The following HS6ST3 variants were observed in gnomAD, a reference collection of about 807,000 sequenced individuals.
The protein encoded by HS6ST3 is heparan-sulfate 6-O-sulfotransferase 3.
Under a neutral mutation model 36.7 loss-of-function variants are expected in HS6ST3, and 12 were observed. The ratio of observed to expected loss-of-function variants is 0.33; its 90% confidence interval spans 0.21 to 0.53. The LOEUF (loss-of-function observed/expected upper bound fraction) is 0.53. Ranked by LOEUF, HS6ST3 falls within the 20% of genes least tolerant of loss-of-function variation. HS6ST3 has a pLI of 0.95. For missense variants in HS6ST3, 584 were observed against 640.9 expected (o/e 0.91, Z 0.96); for synonymous variants, 240 against 257.5 (o/e 0.93, Z 0.65).
intron 1 of HS6ST3, among the ~76,000 whole-genome samples, chr13:96,707,589 G>T (rs1875460004): frequency 6.6e-6 from 1 of 152,172 alleles, no homozygotes. Context: ...CTGACTCCAA[G>T]AACCTACATG....
At chr13:96,485,696 T>C (rs984201046) in intron 1 of HS6ST3, among the ~76,000 whole-genome samples, 1 of 152,046 alleles carries the variant, frequency 6.6e-6, no homozygotes, top group African/African-American at 2.4e-5. Flanking sequence ...TTAACTATGA[T>C]GTTTGTGATA....
chr13:96,680,067 C>A (rs1177518965), intron 1 of HS6ST3, among the ~76,000 whole-genome samples: 2 of 152,136 alleles, frequency 1.3e-5, no homozygotes, highest in Non-Finnish European at 2.9e-5. Context: ...TCCCATCCAT[C>A]CAAGACAGGT....
rs557577106 is a variant in HS6ST3, at chr13:96,166,579, T to C, written c.707+75010T>C. On this transcript the variant is annotated intron_variant, in intron 1 of 1. Coordinates refer to ENST00000376705, the MANE Select transcript of HS6ST3 (RefSeq NM_153456.4). ...CTTTTCTTTCTTTCTTTCTTTCTTT[T>C]TTTTTTTTTTTTTGTAGAGACAGGG... 3.1e-3 allele frequency among the ~76,000 whole-genome samples: 458 copies of C among 147,926 alleles called. 2 individuals are homozygous for C. Among genetic ancestry groups the C allele is most frequent in the South Asian group, 9.4e-3 (44 of 4,680 alleles).
intron 1 of HS6ST3, among the ~76,000 whole-genome samples, chr13:96,203,862 G>T (rs1211519869): frequency 6.6e-6 from 1 of 152,112 alleles, no homozygotes; most frequent in African/African-American, 2.4e-5. Flanking sequence ...TAAAAGAAAT[G>T]AAATGTCAGA....
chr13:96,317,356 AT>A (rs1566322102), intron 1 of HS6ST3, among the ~76,000 whole-genome samples: 805 of 14,204 alleles, frequency 0.057, 27 homozygotes, highest in Admixed American at 0.15. Flanking sequence ...ATATATATAT[AT>A]ATATATATAT....
At chr13:96,260,127 T>C (rs2054656712) in intron 1 of HS6ST3, among the ~76,000 whole-genome samples, 1 of 152,176 alleles carries the variant, frequency 6.6e-6, no homozygotes, top group Non-Finnish European at 1.5e-5. Context: ...ATGTGAATAT[T>C]CTTCGATATC....
chr13:96,118,949 A>T (rs2053912014), intron 1 of HS6ST3, among the ~76,000 whole-genome samples: 1 of 150,810 alleles, frequency 6.6e-6, no homozygotes, highest in Non-Finnish European at 1.5e-5. Flanking sequence ...TGACCTCATG[A>T]TCCACCCGCC....
intron 1 of HS6ST3, among the ~76,000 whole-genome samples, chr13:96,737,150 G>T (rs762676743): frequency 4.0e-4 from 61 of 151,940 alleles, no homozygotes; most frequent in Non-Finnish European, 7.5e-4. Flanking sequence ...AACAGAGAAA[G>T]AGAGAAAGAA....
chr13:96,524,649 A>G (rs2138930009), intron 1 of HS6ST3, among the ~76,000 whole-genome samples: 1 of 152,340 alleles, frequency 6.6e-6, no homozygotes, highest in Non-Finnish European at 1.5e-5. Context: ...CTGCGCTAAC[A>G]GCGAGCAAGG....
chr13:96,385,779 G>A (rs9516674), intron 1 of HS6ST3, among the ~76,000 whole-genome samples: 1 of 151,952 alleles, frequency 6.6e-6, no homozygotes, highest in East Asian at 1.9e-4. Flanking sequence ...TGAGTGCTTA[G>A]TATTTTAGGT....
chr13:96,838,377 T>C lies in HS6ST3; in HGVS notation c.*5179T>C, dbSNP rs1278893964. On this transcript the variant is annotated 3_prime_UTR_variant, in exon 2 of 2. Transcript: ENST00000376705. ...GGGACTGAAAGCTGAGTTGGAAGGA[T>C]CAGATCAAAGAGAAAGCTGGGTTGG... 2 of 152,176 alleles carry C rather than the reference T, an allele frequency of 1.3e-5. No homozygotes were observed. Among genetic ancestry groups the C allele is most frequent in the South Asian group, 2.1e-4 (1 of 4,804 alleles). The allele number at this position is 152,176 out of a possible 1,614,324, so 9.4% of individuals were successfully genotyped here. A position where few individuals can be genotyped will look rare whatever the true frequency, so the allele number is the denominator to read the frequency against.
intron 1 of HS6ST3, among the ~76,000 whole-genome samples, chr13:96,747,243 A>T (rs985767916): frequency 1.3e-5 from 2 of 152,162 alleles, no homozygotes; most frequent in African/African-American, 2.4e-5. Context: ...TGCTCATCAA[A>T]TTCAGTTAAT....
chr13:96,657,773 G>A (rs961205424), intron 1 of HS6ST3, among the ~76,000 whole-genome samples: 2 of 152,044 alleles, frequency 1.3e-5, no homozygotes, highest in African/African-American at 4.8e-5. Context: ...GAGAGGGGAT[G>A]GAAGATTCTG....
At chr13:96,146,539 G>T (rs1382992338) in intron 1 of HS6ST3, among the ~76,000 whole-genome samples, 1 of 152,124 alleles carries the variant, frequency 6.6e-6, no homozygotes, top group Non-Finnish European at 1.5e-5. Context: ...AGAAAACCCT[G>T]ATGTTCAAAG....
chr13:96,737,597 A>AGTCCG (rs1231049317), intron 1 of HS6ST3, among the ~76,000 whole-genome samples: 1 of 133,580 alleles, frequency 7.5e-6, no homozygotes, highest in East Asian at 2.4e-4. Flanking sequence ...TGCAGTCCGC[A>AGTCCG]GTCCGGCCTG....
At chr13:96,471,110 AAGAGGAGAATTTATTATTATGACTT>A (rs1293100301) in intron 1 of HS6ST3, among the ~76,000 whole-genome samples, 2 of 152,304 alleles carry the variant, frequency 1.3e-5, no homozygotes, top group East Asian at 3.9e-4. Flanking sequence ...CAGCATAAGC[AAGAGGAGAATTTATTATTATGACTT>A]AGAGTTACAC....
intron 1 of HS6ST3, among the ~76,000 whole-genome samples, chr13:96,505,106 G>T (rs1411559270): frequency 6.6e-6 from 1 of 152,126 alleles, no homozygotes; most frequent in Non-Finnish European, 1.5e-5. Context: ...TTTTCTAAAT[G>T]ATCTCCCAAA....
At position 96,254,448 on chromosome 13, in the gene HS6ST3, AATATATATATATATATAT is replaced by A. The variant is rs869064004; in HGVS notation, c.707+162913_707+162930del. Among the ~76,000 whole-genome samples the A allele has an allele frequency of 2.2e-3, 37 of 16,530 alleles. 3 individuals carry two copies. The highest frequency in any genetic ancestry group is 5.2e-3 in the African/African-American group (24 of 4,616). 10.8% of individuals were successfully genotyped at this position (16,530 alleles called of 152,430 possible). On this transcript the variant is annotated intron_variant, in intron 1 of 1. Coordinates refer to ENST00000376705, the MANE Select transcript of HS6ST3 (RefSeq NM_153456.4). ...AAAAAAAAAAAAAAAAAAAAAAAAA[AATATATATATATATATAT>A]ATATATATATATATATATATATATA... is the stretch of plus-strand genomic sequence containing the variant.
intron 1 of HS6ST3, among the ~76,000 whole-genome samples, chr13:96,243,872 T>A (rs2054572677): frequency 6.6e-6 from 1 of 151,798 alleles, no homozygotes; most frequent in South Asian, 2.1e-4. Flanking sequence ...TACTAACTAG[T>A]CCCTTAGAAA....
Sources: gnomAD v4.1 joint callset for allele counts (sites outside exome capture counted in the v4.1 genomes callset) on GRCh38, gnomAD v4.1.1 for gene constraint, MANE v1.5 for transcripts, NCBI Gene and HGNC (gene_info 2026-07-23, HGNC 2026-07-21) for gene names.